The following DAZAP1 variants were observed in gnomAD, a reference collection of about 807,000 sequenced individuals.
The protein encoded by DAZAP1 is DAZ associated protein 1.
In DAZAP1, 6 loss-of-function variants were observed where a neutral mutation model predicts 60.1. The ratio of observed to expected loss-of-function variants is 0.10; its 90% CI spans 0.05 to 0.20. DAZAP1 has a LOEUF of 0.20. DAZAP1 is among the 10% of genes least tolerant of loss of function. The probability of loss-of-function intolerance (pLI) is 1.00; values close to 1 mark genes in which losing one functional copy is unlikely to be tolerated. For missense variants in DAZAP1, 366 were observed against 560.4 expected, an observed-to-expected ratio of 0.65 and a Z score of 3.50; for synonymous variants, 235 against 215.9, an observed-to-expected ratio of 1.09 and a Z score of -0.78.
At chr19:1,421,695 G>A (rs533306947) in intron 5 of DAZAP1, among the ~76,000 whole-genome samples, 4 of 152,258 alleles carry the variant, frequency 2.6e-5, no homozygotes, top group South Asian at 4.1e-4. Context: ...GGGGGCCGGC[G>A]GGGAGCCCTC....
In DAZAP1 at chr19:1,430,484, G is replaced by A; in HGVS notation, c.871+122G>A. On this transcript the variant is annotated intron_variant, in intron 10 of 11. Coordinates refer to ENST00000233078, the MANE Select transcript of DAZAP1 (RefSeq NM_018959.4). ...CTCAGCCACAGGTGGGGTGCCGGCT[G>A]GTCAGCAGGTCACCTGCCACCAGGC... The A allele has an allele frequency of 4.6e-6, 4 of 874,060 alleles. No homozygotes were observed. In the Admixed American group the frequency reaches 1.5e-4, roughly 33 times the overall value. The allele number at this position is 874,060 out of a possible 1,614,324, so 54.1% of individuals were successfully genotyped here. A position where few individuals can be genotyped will look rare whatever the true frequency, so the allele number is the denominator to read the frequency against.
chr19:1,428,701 C>T lies in DAZAP1; in HGVS notation c.547-141C>T. On this transcript the variant is annotated intron_variant, in intron 7 of 11. Coordinates refer to ENST00000233078, the MANE Select transcript of DAZAP1 (RefSeq NM_018959.4). This position sits in a 1 kb window ranked among gnomAD's most constrained non-coding sequence, Gnocchi z 4.0. ...TTTTTAAGAAAAAAATGCTACTGGC[C>T]TAAATAAGGTTTATAGTTAAGTATT... 1.9e-6 allele frequency: 2 copies of T among 1,044,240 alleles called. No homozygotes were observed. The highest frequency in any genetic ancestry group is 2.7e-6 in the Non-Finnish European group (2 of 727,904). 64.7% of individuals were successfully genotyped at this position (1,044,240 alleles called of 1,614,324 possible).
At chr19:1,410,493 G>A (rs1057131760) in intron 1 of DAZAP1, among the ~76,000 whole-genome samples, 1 of 152,220 alleles carries the variant, frequency 6.6e-6, no homozygotes, top group Non-Finnish European at 1.5e-5. Flanking sequence ...CAGAGCACGC[G>A]CGATCAGGAA....
rs1784987401 is a variant in DAZAP1 at position 1,425,326 on chromosome 19, T to G, written c.464-552T>G. On this transcript the variant is annotated intron_variant, in intron 6 of 11. Transcript: ENST00000233078. The surrounding 1 kb of genome is among the most constrained non-coding windows in gnomAD (Gnocchi z 5.4). The stretch of plus-strand genomic sequence containing the variant: ...CTGTCAGCACTAGCTGCAAAGCAAA[T>G]TGCAAGCCAAGGGGGAGAATCCTGG... 6.6e-6 allele frequency among the ~76,000 whole-genome samples: 1 copy of G among 152,144 alleles called. No individual in the cohort carries two copies. Among genetic ancestry groups the G allele is most frequent in the African/African-American group, 2.4e-5 (1 of 41,424 alleles).
chr19:1,432,413 T>G lies in DAZAP1; in HGVS notation c.872-101T>G. 7.0e-6 allele frequency: 9 copies of G among 1,279,678 alleles called. No individual in the cohort carries two copies. Among genetic ancestry groups the G allele is most frequent in the Non-Finnish European group, 1.0e-5 (9 of 890,280 alleles). The allele number at this position is 1,279,678 out of a possible 1,614,324, so 79.3% of individuals were successfully genotyped here. On this transcript the variant is annotated intron_variant, in intron 10 of 11. Transcript: ENST00000233078. This position sits in a 1 kb window ranked among gnomAD's most constrained non-coding sequence, Gnocchi z 4.9. ...GGCGTTCTGTGGGTTTGGGTGGCAG[T>G]CCCGTCTGGGCAGCTCCTGCTGGGC... is the stretch of plus-strand genomic sequence containing the variant.
rs774870922 is a variant in DAZAP1, at chr19:1,418,784, A to G, written c.303+53A>G. 175 of 1,519,886 alleles carry G rather than the reference A, an allele frequency of 1.2e-4. No homozygotes were observed. Among genetic ancestry groups the G allele is most frequent in the Non-Finnish European group, 1.5e-4 (166 of 1,125,804 alleles). The allele number at this position is 1,519,886 out of a possible 1,614,324, so 94.1% of individuals were successfully genotyped here. A position where few individuals can be genotyped will look rare whatever the true frequency, so the allele number is the denominator to read the frequency against. On this transcript the variant is annotated intron_variant, in intron 4 of 11. Transcript: ENST00000233078. The surrounding 1 kb of genome is among the most constrained non-coding windows in gnomAD (Gnocchi z 5.7). ...TGTGTGTTCTCCACTCCACGTGGAAAGGAAATGCGTGCCTTCAATCTGCTG... is the reference window on the plus strand; with the variant it reads ...TGTGTGTTCTCCACTCCACGTGGAAGGGAAATGCGTGCCTTCAATCTGCTG...
At chr19:1,407,848 C>A in intron 1 of DAZAP1, 46 bp downstream of exon 1, 1 of 1,054,086 alleles carries the variant, frequency 9.5e-7, no homozygotes, top group Non-Finnish European at 1.1e-6. Flanking sequence ...CGAGCCCGGC[C>A]CGCCGCTCCC....
In DAZAP1 at chr19:1,426,220, G is replaced by A; in HGVS notation, c.546+260G>A. 2.2e-6 allele frequency: 1 copy of A among 449,058 alleles called. No individual in the cohort carries two copies. The highest frequency in any genetic ancestry group is 4.1e-6 in the Non-Finnish European group (1 of 242,506). The allele number at this position is 449,058 out of a possible 1,614,324, so 27.8% of individuals were successfully genotyped here. On this transcript the variant is annotated intron_variant, in intron 7 of 11. Coordinates refer to ENST00000233078, the MANE Select transcript of DAZAP1 (RefSeq NM_018959.4). The surrounding 1 kb of genome is among the most constrained non-coding windows in gnomAD (Gnocchi z 5.4). ...GGTGACCTGGGACTGGGCGGGTAGG[G>A]GGCTGGGGCTGGGAGGCTGTGGCGG...
rs2083068537 is a variant in DAZAP1, at chr19:1,418,955, G to A, written c.303+224G>A. On this transcript the variant is annotated intron_variant, in intron 4 of 11. Coordinates refer to ENST00000233078, the MANE Select transcript of DAZAP1 (RefSeq NM_018959.4). This position sits in a 1 kb window ranked among gnomAD's most constrained non-coding sequence, Gnocchi z 5.7. Reference sequence around the variant, plus strand: ...TATCTTAGGGAAAAAAAAAATGACAGCTCATGCCACTGATTATCAGGAGCC... The same window carrying A: ...TATCTTAGGGAAAAAAAAAATGACAACTCATGCCACTGATTATCAGGAGCC... Among the ~76,000 whole-genome samples the A allele has an allele frequency of 6.6e-6, 1 of 152,148 alleles. No individual in the cohort carries two copies. The highest frequency in any genetic ancestry group is 1.5e-5 in the Non-Finnish European group (1 of 68,018).
In DAZAP1 at chr19:1,418,054, A is replaced by G. The variant is rs1447150667; in HGVS notation, c.71-150A>G. ...AAGTGTGTGTTGGGCAGAATTCCCC[A>G]GCGCTTCCCGTACACCCCCCACCCC... On this transcript the variant is annotated intron_variant, in intron 2 of 11. Transcript: ENST00000233078. This position sits in a 1 kb window ranked among gnomAD's most constrained non-coding sequence, Gnocchi z 5.7. The G allele has an allele frequency of 5.5e-6, 4 of 728,786 alleles. No individual in the cohort carries two copies. In the African/African-American group the frequency reaches 7.1e-5, roughly 13 times the overall value. 45.1% of individuals were successfully genotyped at this position (728,786 alleles called of 1,614,324 possible). A position where few individuals can be genotyped will look rare whatever the true frequency, so the allele number is the denominator to read the frequency against.
Position 1,407,661 on chromosome 19 carries a change from C to A in DAZAP1, c.-113C>A. The A allele has an allele frequency of 1.0e-6, 1 of 964,166 alleles. No individual in the cohort carries two copies. Among genetic ancestry groups the A allele is most frequent in the Non-Finnish European group, 1.2e-6 (1 of 807,630 alleles). The allele number at this position is 964,166 out of a possible 1,614,324, so 59.7% of individuals were successfully genotyped here. A position where few individuals can be genotyped will look rare whatever the true frequency, so the allele number is the denominator to read the frequency against. ...CCGCCGCCGCCGCCGCCGCCGCCGC[C>A]GTTGCGCAGATCCGGGCCGCGGCTG... On this transcript the variant is annotated 5_prime_UTR_variant, in exon 1 of 12. Coordinates refer to ENST00000233078, the MANE Select transcript of DAZAP1 (RefSeq NM_018959.4).
chr19:1,426,196 G>A lies in DAZAP1; in HGVS notation c.546+236G>A, dbSNP rs531321403. Among the ~76,000 whole-genome samples, 29 of 152,302 alleles carry A rather than the reference G, an allele frequency of 1.9e-4. 1 individual carries two copies. The South Asian group carries it at 6.0e-3, about 32-fold the overall frequency. On this transcript the variant is annotated intron_variant, in intron 7 of 11. Transcript: ENST00000233078. The surrounding 1 kb of genome is among the most constrained non-coding windows in gnomAD (Gnocchi z 5.4). ...TTGCTCCTGGAGCCCCTCCCTCTGG[G>A]TGACCTGGGACTGGGCGGGTAGGGG...
chr19:1,409,992 CG>C (rs1033809763), intron 1 of DAZAP1: 2 of 152,364 alleles, frequency 1.3e-5, no homozygotes, highest in African/African-American at 2.4e-5. Context: ...GCGGGGTCAA[CG>C]CCTCAGGAGA....
chr19:1,421,136 C>T lies in DAZAP1; in HGVS notation c.304-12C>T. 6.2e-7 allele frequency: 1 copy of T among 1,612,044 alleles called. No individual in the cohort carries two copies. Among genetic ancestry groups the T allele is most frequent in the Non-Finnish European group, 8.5e-7 (1 of 1,178,126 alleles). ...TCCCGTGTGAACTAACTATCCTTCC[C>T]TTCTTCAACAGCAGAAAGGACCCAG... On this transcript the variant is annotated splice_polypyrimidine_tract_variant and intron_variant, in intron 4 of 11. Coordinates refer to ENST00000233078, the MANE Select transcript of DAZAP1 (RefSeq NM_018959.4).
rs2083173852 is a variant in DAZAP1 at position 1,422,101 on chromosome 19, G to T, written c.415-247G>T. On this transcript the variant is annotated intron_variant, in intron 5 of 11. Coordinates refer to ENST00000233078, the MANE Select transcript of DAZAP1 (RefSeq NM_018959.4). The surrounding 1 kb of genome is among the most constrained non-coding windows in gnomAD (Gnocchi z 4.5). ...CGTGAGCGGGGCCACGGGCAGCCCG[G>T]AGGCGGGTATCCAGACGCCTGCCCT... Among the ~76,000 whole-genome samples the T allele has an allele frequency of 6.6e-6, 1 of 152,262 alleles. No individual in the cohort carries two copies. Among genetic ancestry groups the T allele is most frequent in the South Asian group, 2.1e-4 (1 of 4,838 alleles).
chr19:1,415,148 C>CT, intron 1 of DAZAP1, among the ~76,000 whole-genome samples: 1 of 152,256 alleles, frequency 6.6e-6, no homozygotes, highest in Non-Finnish European at 1.5e-5. Flanking sequence ...GCCCTTCCCC[C>CT]TTAATACACA....
intron 1 of DAZAP1, among the ~76,000 whole-genome samples, chr19:1,415,353 ATGTGTGTGTGTGTGTGTGTG>A (rs61360796): frequency 9.1e-5 from 10 of 109,408 alleles, no homozygotes; most frequent in South Asian, 6.2e-4. Context: ...TCAGGGTTTT[ATGTGTGTGTGTGTGTGTGTG>A]TGTGTGTGTG....
In DAZAP1 at chr19:1,434,992, C is replaced by G; in HGVS notation, c.*80C>G. 2 of 864,664 alleles carry G rather than the reference C, an allele frequency of 2.3e-6. No individual in the cohort carries two copies. The highest frequency in any genetic ancestry group is 2.9e-6 in the Non-Finnish European group (2 of 699,920). 53.6% of individuals were successfully genotyped at this position (864,664 alleles called of 1,614,324 possible). On this transcript the variant is annotated 3_prime_UTR_variant, in exon 12 of 12. Coordinates refer to ENST00000233078, the MANE Select transcript of DAZAP1 (RefSeq NM_018959.4). The surrounding 1 kb of genome is among the most constrained non-coding windows in gnomAD (Gnocchi z 8.0). ...CTCGTGACAATCACAAACTTGGCGG[C>G]AAAGTGGCGACTCAACCTTGGGGGG...
rs184065619 is a variant in DAZAP1, at chr19:1,414,723, G to A, written c.30-2777G>A. 4.7e-3 allele frequency among the ~76,000 whole-genome samples: 714 copies of A among 151,862 alleles called. 2 individuals are homozygous for A. Among genetic ancestry groups the A allele is most frequent in the Non-Finnish European group, 4.7e-3 (317 of 67,964 alleles). The stretch of plus-strand genomic sequence containing the variant: ...TACACTCCAGCCTGGGCAACACAGC[G>A]AGACAATTTTTCAAAAAAAAATTGA... On this transcript the variant is annotated intron_variant, in intron 1 of 11. Coordinates refer to ENST00000233078, the MANE Select transcript of DAZAP1 (RefSeq NM_018959.4).
Sources: gnomAD v4.1 joint callset for allele counts (sites outside exome capture counted in the v4.1 genomes callset) on GRCh38, gnomAD v4.1.1 for gene constraint, Gnocchi (gnomAD v3.1) non-coding constraint, MANE v1.5 for transcripts, NCBI Gene and HGNC (gene_info 2026-07-23, HGNC 2026-07-21) for gene names.